USP44: variants seen among roughly 807,000 people sequenced by gnomAD.
The protein encoded by USP44 is ubiquitin specific peptidase 44.
In USP44, 61 loss-of-function variants were observed where a neutral mutation model predicts 69.0. That is an observed-to-expected ratio of 0.88 (90% CI 0.72 to 1.09). USP44 has a LOEUF of 1.09. Among genes scored for constraint, USP44 ranks in the 50% least tolerant of loss-of-function variants. USP44 has a pLI of 0.00. For missense variants in USP44, 753 were observed against 849.9 expected (o/e 0.89, Z 1.42); for synonymous variants, 297 against 295.4 (o/e 1.01, Z -0.06).
intron 1 of USP44, among the ~76,000 whole-genome samples, chr12:95,534,697 A>G (rs2077143144): frequency 7.0e-6 from 1 of 143,682 alleles, no homozygotes; most frequent in South Asian, 2.2e-4. Flanking sequence ...TTTTTTTGAG[A>G]CAGAGTCTTG....
At chr12:95,543,288 C>A (rs1271088856) in intron 1 of USP44, among the ~76,000 whole-genome samples, 1 of 151,078 alleles carries the variant, frequency 6.6e-6, no homozygotes, top group Admixed American at 6.6e-5. Context: ...GTAGTCCCAG[C>A]TACTCGGGAG....
rs112592521 is a variant in USP44 at position 95,528,092 on chromosome 12, G to A, written c.1624+715C>T. Among the ~76,000 whole-genome samples, 6 of 152,260 alleles carry A rather than the reference G, an allele frequency of 3.9e-5. 1 individual carries two copies. Among genetic ancestry groups the A allele is most frequent in the African/African-American group, 1.4e-4 (6 of 41,554 alleles). Reference sequence around the variant, plus strand: ...GACCTCAGGTGATCTGCCCACCTCGGCCTCCCAACGTGGTAGGATTACAGG... The same window carrying A: ...GACCTCAGGTGATCTGCCCACCTCGACCTCCCAACGTGGTAGGATTACAGG... On this transcript the variant is annotated intron_variant, in intron 3 of 5. Coordinates refer to ENST00000258499, the MANE Select transcript of USP44 (RefSeq NM_032147.5).
intron 1 of USP44, among the ~76,000 whole-genome samples, chr12:95,537,936 T>C (rs1187924888): frequency 6.6e-6 from 1 of 152,180 alleles, no homozygotes; most frequent in African/African-American, 2.4e-5. Context: ...ACTCTGCAAA[T>C]AAATTCCCTT....
intron 1 of USP44, among the ~76,000 whole-genome samples, chr12:95,539,282 G>A (rs2077309888): frequency 6.7e-6 from 1 of 149,422 alleles, no homozygotes; most frequent in African/African-American, 2.5e-5. Context: ...CTGGAGTGCA[G>A]TGGCGCGATC....
chr12:95,547,532 C>G (rs1488224277), intron 1 of USP44, among the ~76,000 whole-genome samples: 1 of 152,200 alleles, frequency 6.6e-6, no homozygotes, highest in Admixed American at 6.5e-5. Flanking sequence ...ATTCTCTAAG[C>G]ATGTGCTTAA....
chr12:95,537,959 AG>A (rs2077261149), intron 1 of USP44, among the ~76,000 whole-genome samples: 1 of 152,234 alleles, frequency 6.6e-6, no homozygotes, highest in Admixed American at 6.5e-5. Flanking sequence ...ATACAAAAAA[AG>A]TACCTGTTTC....
At chr12:95,545,947 G>A (rs1255394675) in intron 1 of USP44, among the ~76,000 whole-genome samples, 2 of 152,056 alleles carry the variant, frequency 1.3e-5, no homozygotes, top group Non-Finnish European at 2.9e-5. Context: ...AAACAATAAA[G>A]GACACCCTTT....
chr12:95,538,544 G>GT (rs1555202931), intron 1 of USP44, among the ~76,000 whole-genome samples: 7 of 23,300 alleles, frequency 3.0e-4, no homozygotes, highest in South Asian at 2.5e-3. Context: ...CATTTTAAAA[G>GT]GGGGGGGTCT....
chr12:95,522,511 C>T (rs2076697396), intron 4 of USP44, among the ~76,000 whole-genome samples: 1 of 152,088 alleles, frequency 6.6e-6, no homozygotes, highest in Non-Finnish European at 1.5e-5. Flanking sequence ...GCCGTGGTGG[C>T]TCACGCCTGT....
chr12:95,540,860 C>A (rs891972781), intron 1 of USP44, among the ~76,000 whole-genome samples: 2 of 152,110 alleles, frequency 1.3e-5, no homozygotes, highest in Non-Finnish European at 2.9e-5. Flanking sequence ...GCCTTTAACT[C>A]TTTTTTTGAT....
chr12:95,549,940 AG>A (rs1290747188), intron 1 of USP44, among the ~76,000 whole-genome samples: 2 of 152,158 alleles, frequency 1.3e-5, no homozygotes, highest in Admixed American at 6.5e-5. Context: ...GCACTTTGGG[AG>A]GCCAAGGCGG....
At chr12:95,539,489 G>T (rs1369627665) in intron 1 of USP44, among the ~76,000 whole-genome samples, 1 of 152,126 alleles carries the variant, frequency 6.6e-6, no homozygotes, top group Admixed American at 6.5e-5. Flanking sequence ...GCCTCCCAAA[G>T]TGCTGGGATT....
At position 95,520,711 on chromosome 12, in the gene USP44, T is replaced by C. The variant is rs77634106; in HGVS notation, c.1939+286A>G. On this transcript the variant is annotated intron_variant, in intron 5 of 5. Transcript: ENST00000258499. Reference sequence around the variant, plus strand: ...AACCAGTAAACATACGATCTGCTTTTTGAAGTGTGTCTTTAAGAAAAGTTA... The same window carrying C: ...AACCAGTAAACATACGATCTGCTTTCTGAAGTGTGTCTTTAAGAAAAGTTA... Among the ~76,000 whole-genome samples the C allele has an allele frequency of 7.2e-3, 1,099 of 152,316 alleles. 12 individuals carry two copies. Among genetic ancestry groups the C allele is most frequent in the African/African-American group, 0.025 (1,028 of 41,560 alleles).
At chr12:95,544,650 T>C (rs1182150507) in intron 1 of USP44, among the ~76,000 whole-genome samples, 1 of 152,126 alleles carries the variant, frequency 6.6e-6, no homozygotes, top group African/African-American at 2.4e-5. Context: ...TAAATTACTA[T>C]TTAATAAAGT....
chr12:95,530,708 T>C (rs1161252952), intron 2 of USP44, among the ~76,000 whole-genome samples: 1 of 151,020 alleles, frequency 6.6e-6, no homozygotes, highest in Non-Finnish European at 1.5e-5. Flanking sequence ...AGAAAAACAC[T>C]TTCTGGAAAG....
chr12:95,534,027 A>G lies in USP44; in HGVS notation c.230T>C (p.Val77Ala). ...ATAATCATCACAAAGGTAACAAAAA[A>G]CGTACATCTCATTCACCTCCAATGC... ...PVALEVNEMYVFCYLCDDYVL... is the reference protein window; with the variant it reads ...PVALEVNEMYAFCYLCDDYVL... Residue 77 changes from valine (V) to alanine (A), a missense_variant, in exon 2 of 6, where the codon GTT (valine) becomes GCT (alanine). By Grantham distance (64) the Val-to-Ala change is moderately conservative. Coordinates refer to ENST00000258499, the MANE Select transcript of USP44 (RefSeq NM_032147.5). 2 of 1,614,208 alleles carry G rather than the reference A, an allele frequency of 1.2e-6. No individual in the cohort carries two copies. The highest frequency in any genetic ancestry group is 2.2e-5 in the East Asian group (1 of 44,884).
At position 95,519,100 on chromosome 12, in the gene USP44, G is replaced by A. The variant is rs566829829; in HGVS notation, c.1940-747C>T. On this transcript the variant is annotated intron_variant, in intron 5 of 5. Transcript: ENST00000258499. ...CATGCACATAAGTATGCTAATGACTGCTTATATTAGCATATAAAAATCAGC... is the reference window on the plus strand; with the variant it reads ...CATGCACATAAGTATGCTAATGACTACTTATATTAGCATATAAAAATCAGC... Among the ~76,000 whole-genome samples the A allele has an allele frequency of 3.9e-5, 6 of 152,258 alleles. No individual in the cohort carries two copies. The South Asian group carries it at 1.2e-3, about 32-fold the overall frequency.
chr12:95,528,935 A>G lies in USP44; in HGVS notation c.1496T>C (p.Phe499Ser). Residue 499 changes from phenylalanine (F) to serine (S), a missense_variant, in exon 3 of 6, where the codon TTT (phenylalanine) becomes TCT (serine). Coordinates refer to ENST00000258499, the MANE Select transcript of USP44 (RefSeq NM_032147.5). ...IEPFWDLSLE[F>S]PERYQCSGKD... ...TCCACTGCATTGATACCTTTCTGGA[A>G]ACTCCAATGACAAGTCCCAGAAAGG... The G allele has an allele frequency of 6.2e-7, 1 of 1,614,046 alleles. No homozygotes were observed. The highest frequency in any genetic ancestry group is 2.2e-5 in the East Asian group (1 of 44,838).
chr12:95,543,122 C>T (rs1592743513), intron 1 of USP44, among the ~76,000 whole-genome samples: 1 of 150,664 alleles, frequency 6.6e-6, no homozygotes, highest in African/African-American at 2.4e-5. Context: ...TAAGTCCTGC[C>T]GGGCACTGTG....
Sources: allele counts gnomAD v4.1 joint callset (sites outside exome capture counted in the v4.1 genomes callset), GRCh38; gene constraint gnomAD v4.1.1; transcripts MANE v1.5; gene names NCBI Gene and HGNC (gene_info 2026-07-23, HGNC 2026-07-21).